TNRC18: variants seen among roughly 807,000 people sequenced by gnomAD.
The protein encoded by TNRC18 is trinucleotide repeat containing 18.
Under a neutral mutation model 226.7 loss-of-function variants are expected in TNRC18, and 69 were observed. The observed-to-expected ratio is 0.30, with a 90% confidence interval of 0.25 to 0.37. TNRC18 has a LOEUF of 0.37. TNRC18 is among the 10% of genes least tolerant of loss of function. The probability of loss-of-function intolerance (pLI) is 1.00; values close to 1 mark genes in which losing one functional copy is unlikely to be tolerated. For missense variants in TNRC18, 4,754 were observed against 4,256.6 expected, an observed-to-expected ratio of 1.12 and a Z score of -3.25; for synonymous variants, 2,449 against 1,927.6, an observed-to-expected ratio of 1.27 and a Z score of -7.09.
In TNRC18 at chr7:5,388,608, T is replaced by C; in HGVS notation, c.1216A>G (p.Arg406Gly). 2 of 1,293,318 alleles carry C rather than the reference T, an allele frequency of 1.5e-6. No individual in the cohort carries two copies. Among genetic ancestry groups the C allele is most frequent in the Non-Finnish European group, 2.0e-6 (2 of 1,020,458 alleles). 80.1% of individuals were successfully genotyped at this position (1,293,318 alleles called of 1,614,324 possible). A position where few individuals can be genotyped will look rare whatever the true frequency, so the allele number is the denominator to read the frequency against. Residue 406 changes from arginine (R) to glycine (G), a missense_variant, in exon 5 of 30, where the codon AGG (arginine) becomes GGG (glycine). By Grantham distance (125) the Arg-to-Gly change is moderately radical. Coordinates refer to ENST00000430969, the MANE Select transcript of TNRC18 (RefSeq NM_001080495.3). Reference sequence around the variant, plus strand: ...GGGGGCGCCTGCAGGACCCCTGGCCTGCCAGCCTCGCGCTCGCGGGCCCGG... The same window carrying C: ...GGGGGCGCCTGCAGGACCCCTGGCCCGCCAGCCTCGCGCTCGCGGGCCCGG... The part of the protein sequence containing the change: ...DARAREREAG[R>G]PGVLQAPPGS...
chr7:5,401,802 T>C (rs1370133025), intron 2 of TNRC18, among the ~76,000 whole-genome samples: 1 of 152,190 alleles, frequency 6.6e-6, no homozygotes, highest in African/African-American at 2.4e-5. Flanking sequence ...GTATTTACGG[T>C]AGGAACTGGG....
At chr7:5,418,904 C>T (rs1313310275) in intron 2 of TNRC18, among the ~76,000 whole-genome samples, 1 of 152,182 alleles carries the variant, frequency 6.6e-6, no homozygotes, top group East Asian at 1.9e-4. Flanking sequence ...GCCTGGGGTC[C>T]GAGGTCTCCT....
At position 5,376,231 on chromosome 7, in the gene TNRC18, G is replaced by T. The variant is rs1794661455; in HGVS notation, c.2609-7C>A. ...GCCCGCTCCATCAGCTCCGCTGCAG[G>T]GACAGAGACAGTGCGCTGCACCTGC... On this transcript the variant is annotated splice_polypyrimidine_tract_variant and splice_region_variant and intron_variant, in intron 8 of 29. Coordinates refer to ENST00000430969, the MANE Select transcript of TNRC18 (RefSeq NM_001080495.3). 2.7e-6 allele frequency: 4 copies of T among 1,484,258 alleles called. 1 individual carries two copies. The African/African-American group carries it at 4.2e-5, about 16-fold the overall frequency. 91.9% of individuals were successfully genotyped at this position (1,484,258 alleles called of 1,614,324 possible). A position where few individuals can be genotyped will look rare whatever the true frequency, so the allele number is the denominator to read the frequency against.
In TNRC18 at chr7:5,370,265, G is replaced by C. The variant is rs184781296; in HGVS notation, c.4219+110C>G. 192 of 1,300,988 alleles carry C rather than the reference G, an allele frequency of 1.5e-4. No individual in the cohort carries two copies. In the East Asian group the frequency reaches 4.8e-3, roughly 32 times the overall value. 80.6% of individuals were successfully genotyped at this position (1,300,988 alleles called of 1,614,324 possible). A position where few individuals can be genotyped will look rare whatever the true frequency, so the allele number is the denominator to read the frequency against. On this transcript the variant is annotated intron_variant, in intron 11 of 29. Transcript: ENST00000430969. ...TTGAGCCCAGGAGTTTGAGGCTGCA[G>C]TGAGCTAAGATTGTGCCACTGCACT... is the stretch of plus-strand genomic sequence containing the variant.
intron 2 of TNRC18, among the ~76,000 whole-genome samples, chr7:5,401,237 C>T (rs1376128872): frequency 4.9e-4 from 38 of 77,900 alleles, no homozygotes; most frequent in African/African-American, 1.6e-3. Context: ...CGGGGGGGGG[C>T]GGGGGGGCTG....
intron 29 of TNRC18, 97 bp downstream of exon 29, chr7:5,308,778 G>A: frequency 2.2e-6 from 3 of 1,355,216 alleles, no homozygotes; most frequent in East Asian, 2.5e-5. Flanking sequence ...AGACCATGGG[G>A]GACAGAGCAG....
In TNRC18 at chr7:5,388,918, G is replaced by A. The variant is rs1780047210; in HGVS notation, c.906C>T (p.Arg302=). ...GCCGGGCAGCCTCCTTGGCACCCCC[G>A]CGCCCCGCTTCGGCCACCAGCGCGG... ...GLPALVAEAG[R]GGAKEAARQD... is the part of the protein sequence containing the mutation. Residue 302 remains arginine, a synonymous_variant, in exon 5 of 30, where the codon CGC becomes CGT. Coordinates refer to ENST00000430969, the MANE Select transcript of TNRC18 (RefSeq NM_001080495.3). The A allele has an allele frequency of 6.6e-6, 9 of 1,369,836 alleles. No individual in the cohort carries two copies. In the South Asian group the frequency reaches 6.9e-5, roughly 11 times the overall value. The allele number at this position is 1,369,836 out of a possible 1,614,324, so 84.9% of individuals were successfully genotyped here.
chr7:5,388,326 G>T lies in TNRC18; in HGVS notation c.1498C>A (p.Arg500Ser), dbSNP rs570944659. The change falls in exon 5 of 30, where the codon CGC (arginine) becomes AGC (serine). Residue 500 changes from arginine to serine, a missense_variant. Coordinates refer to ENST00000430969, the MANE Select transcript of TNRC18 (RefSeq NM_001080495.3). The part of the protein sequence containing the change: ...AAKLFGLEPG[R>S]PPPTGPEHKW... The stretch of plus-strand genomic sequence containing the variant: ...TGCTCAGGGCCGGTGGGCGGGGGGC[G>T]CCCGGGCTCCAGGCCGAAGAGCTTG... The T allele has an allele frequency of 1.1e-6, 1 of 913,206 alleles. No homozygotes were observed. The highest frequency in any genetic ancestry group is 1.3e-5 in the South Asian group (1 of 77,324). The allele number at this position is 913,206 out of a possible 1,614,324, so 56.6% of individuals were successfully genotyped here. A position where few individuals can be genotyped will look rare whatever the true frequency, so the allele number is the denominator to read the frequency against.
In TNRC18 at chr7:5,389,122, C is replaced by T; in HGVS notation, c.702G>A (p.Gly234=). 1 of 1,317,566 alleles carries T rather than the reference C, an allele frequency of 7.6e-7. No individual in the cohort carries two copies. Among genetic ancestry groups the T allele is most frequent in the South Asian group, 1.7e-5 (1 of 59,002 alleles). 81.6% of individuals were successfully genotyped at this position (1,317,566 alleles called of 1,614,324 possible). The change falls in exon 5 of 30, where the codon GGG becomes GGA. Residue 234 remains glycine (G), a synonymous_variant. Coordinates refer to ENST00000430969, the MANE Select transcript of TNRC18 (RefSeq NM_001080495.3). ...GGGTCAGGTCCACCACGCCCCGTGG[C>T]CCCGAGGCCTCCTCGCCCCGGGCGC... The part of the protein sequence containing the change: ...DPRARGEEAS[G]PRGVVDLTQE...
At chr7:5,308,807 C>CT (rs1453813073) in intron 29 of TNRC18, 68 bp downstream of exon 29, 3 of 1,519,238 alleles carry the variant, frequency 2.0e-6, no homozygotes, top group Middle Eastern at 2.3e-4. Context: ...GAGCCGGGCC[C>CT]TGTCTGAGCT....
chr7:5,321,225 C>A (rs939387528), intron 21 of TNRC18, 35 bp from the exon 22 acceptor site: 121 of 1,468,240 alleles, frequency 8.2e-5, no homozygotes, highest in Non-Finnish European at 1.1e-4. Context: ...AGGCTGGAGC[C>A]GGGGGCGTCT....
Position 5,332,614 on chromosome 7 carries a change from G to A in TNRC18, c.6147+8C>T. ...TTCTGCGGCACCCCCTCCCAGCGCG[G>A]CCCCTACCTTCCTGGGGTCCTTCCT... is the stretch of plus-strand genomic sequence containing the variant. On this transcript the variant is annotated splice_region_variant and intron_variant, in intron 19 of 29. Transcript: ENST00000430969. 6.6e-7 allele frequency: 1 copy of A among 1,520,516 alleles called. No homozygotes were observed. The highest frequency in any genetic ancestry group is 8.8e-7 in the Non-Finnish European group (1 of 1,136,102). The allele number at this position is 1,520,516 out of a possible 1,614,324, so 94.2% of individuals were successfully genotyped here.
chr7:5,394,587 A>T lies in TNRC18; in HGVS notation c.196T>A (p.Phe66Ile). ...CCGCTGGCCACAAAGCTGCCCAAGAAGGCCTCGCCTGCAGAGAGAAGTTGG... is the reference window on the plus strand; with the variant it reads ...CCGCTGGCCACAAAGCTGCCCAAGATGGCCTCGCCTGCAGAGAGAAGTTGG... Reference protein sequence around the residue: ...LNLHPHPGEAFLGSFVASGMG... With the variant: ...LNLHPHPGEAILGSFVASGMG... Residue 66 changes from phenylalanine (F) to isoleucine (I), a missense_variant, in exon 3 of 30, where the codon TTC (phenylalanine) becomes ATC (isoleucine). Transcript: ENST00000430969. The surrounding 1 kb of genome is among the most constrained non-coding windows in gnomAD (Gnocchi z 4.5). 6.5e-7 allele frequency: 1 copy of T among 1,546,118 alleles called. No individual in the cohort carries two copies.
chr7:5,322,396 T>C (rs534338758), intron 21 of TNRC18, among the ~76,000 whole-genome samples: 8 of 152,236 alleles, frequency 5.3e-5, no homozygotes, highest in African/African-American at 1.9e-4. Flanking sequence ...ACTCCTGGGT[T>C]CAAGCCATCC....
At chr7:5,352,662 G>A (rs1432856702) in intron 16 of TNRC18, among the ~76,000 whole-genome samples, 3 of 152,220 alleles carry the variant, frequency 2.0e-5, no homozygotes, top group Non-Finnish European at 2.9e-5. Context: ...TTCTTTCTAC[G>A]AGCCAGTGAG....
chr7:5,330,095 C>T (rs1789358992), intron 19 of TNRC18: 1 of 411,524 alleles, frequency 2.4e-6, no homozygotes, highest in African/African-American at 2.1e-5. Flanking sequence ...ACACACCCAG[C>T]TAATTTTTTT....
chr7:5,396,182 A>C (rs1048046890), intron 2 of TNRC18, among the ~76,000 whole-genome samples: 2 of 150,006 alleles, frequency 1.3e-5, no homozygotes, highest in African/African-American at 4.9e-5. Flanking sequence ...AAAAAAAAAA[A>C]AAAAAAATGC....
At chr7:5,358,314 G>GC (rs930894901) in intron 15 of TNRC18, among the ~76,000 whole-genome samples, 1 of 152,168 alleles carries the variant, frequency 6.6e-6, no homozygotes, top group Non-Finnish European at 1.5e-5. Context: ...AGCCATTAAT[G>GC]CCCCAGGTTT....
At position 5,371,290 on chromosome 7, in the gene TNRC18, T is replaced by G. The variant is rs369501843; in HGVS notation, c.3304A>C (p.Thr1102Pro). 4 of 1,575,414 alleles carry G rather than the reference T, an allele frequency of 2.5e-6. No individual in the cohort carries two copies. The highest frequency in any genetic ancestry group is 3.4e-6 in the Non-Finnish European group (4 of 1,162,956). ...AAGCCGTCCGCGTCGGCGGCGGCCG[T>G]GGGCTGCAGCAGGAAAGGGTAGGGC... ...GRPYPFLLQP[T>P]AAADADGLAP... The change falls in exon 11 of 30, where the codon ACG (threonine) becomes CCG (proline). Residue 1102 changes from threonine to proline, a missense_variant. Coordinates refer to ENST00000430969, the MANE Select transcript of TNRC18 (RefSeq NM_001080495.3).
Sources: gnomAD v4.1 joint callset for allele counts (sites outside exome capture counted in the v4.1 genomes callset) on GRCh38, gnomAD v4.1.1 for gene constraint, Gnocchi (gnomAD v3.1) non-coding constraint, MANE v1.5 for transcripts, NCBI Gene and HGNC (gene_info 2026-07-23, HGNC 2026-07-21) for gene names.